Variants in PKNOX2 observed in about 807,000 individuals in gnomAD.
The protein encoded by PKNOX2 is PBX/knotted 1 homeobox 2.
A neutral mutation model predicts 53.1 loss-of-function variants in PKNOX2; 14 were observed. The observed-to-expected ratio is 0.26, with a 90% CI of 0.17 to 0.41. The LOEUF (loss-of-function observed/expected upper bound fraction) is 0.41. Among genes scored for constraint, PKNOX2 ranks in the 10% least tolerant of loss-of-function variants. PKNOX2 has a pLI of 1.00. For synonymous variants in PKNOX2, 257 were observed against 242.8 expected, an observed-to-expected ratio of 1.06 and a Z score of -0.54; for missense variants, 496 against 602.8, an observed-to-expected ratio of 0.82 and a Z score of 1.85.
At chr11:125,426,208 T>C (rs1019288409) in intron 10 of PKNOX2, among the ~76,000 whole-genome samples, 7 of 152,230 alleles carry the variant, frequency 4.6e-5, no homozygotes, top group Non-Finnish European at 7.3e-5. Flanking sequence ...CTGGCTTAAA[T>C]ATAAGTCCCA....
At chr11:125,394,532 T>G (rs1336859850) in intron 6 of PKNOX2, among the ~76,000 whole-genome samples, 1 of 152,236 alleles carries the variant, frequency 6.6e-6, no homozygotes, top group Admixed American at 6.5e-5. Flanking sequence ...GCCCAGGGAA[T>G]GTGGGCTCCC....
At chr11:125,286,292 G>T (rs192649094) in intron 2 of PKNOX2, among the ~76,000 whole-genome samples, 1 of 152,330 alleles carries the variant, frequency 6.6e-6, no homozygotes, top group Admixed American at 6.5e-5. Context: ...CTGAAAACTT[G>T]CATGTCAACA....
intron 7 of PKNOX2, among the ~76,000 whole-genome samples, chr11:125,403,376 T>A (rs1408628138): frequency 6.6e-6 from 1 of 152,106 alleles, no homozygotes; most frequent in East Asian, 1.9e-4. Context: ...ACAAATCAAT[T>A]GAGCAGCCAC....
intron 1 of PKNOX2, among the ~76,000 whole-genome samples, chr11:125,186,413 A>C (rs558999453): frequency 6.6e-6 from 1 of 152,298 alleles, no homozygotes; most frequent in African/African-American, 2.4e-5. Flanking sequence ...GAACTTTGAG[A>C]GGCTGAGGTA....
chr11:125,346,614 C>T (rs980903810), intron 3 of PKNOX2, among the ~76,000 whole-genome samples: 1 of 152,186 alleles, frequency 6.6e-6, no homozygotes, highest in Non-Finnish European at 1.5e-5. Flanking sequence ...GAGACCCAGA[C>T]AGAGGATGTG....
At chr11:125,197,358 G>A (rs1008855906) in intron 1 of PKNOX2, among the ~76,000 whole-genome samples, 33 of 152,120 alleles carry the variant, frequency 2.2e-4, no homozygotes, top group Admixed American at 1.8e-3. Context: ...CTTGTGCCCC[G>A]GGACTGCCCA....
At chr11:125,429,126 A>G in intron 11 of PKNOX2, 38 bp downstream of exon 11, 1 of 1,544,788 alleles carries the variant, frequency 6.5e-7, no homozygotes, top group Non-Finnish European at 9.0e-7. Context: ...TCCCAGATCC[A>G]GGGGCCACCT....
At chr11:125,348,506 T>C (rs951265554) in intron 3 of PKNOX2, among the ~76,000 whole-genome samples, 7 of 152,340 alleles carry the variant, frequency 4.6e-5, no homozygotes, top group African/African-American at 1.2e-4. Flanking sequence ...CAGAATATTG[T>C]TCCTGTGTCT....
chr11:125,397,581 C>T (rs1028124007), intron 6 of PKNOX2, among the ~76,000 whole-genome samples: 2 of 152,230 alleles, frequency 1.3e-5, no homozygotes, highest in African/African-American at 4.8e-5. Flanking sequence ...GGCCTCCCAT[C>T]GCTAAGGCCA....
intron 2 of PKNOX2, among the ~76,000 whole-genome samples, chr11:125,275,874 TG>T (rs2055039632): frequency 6.6e-6 from 1 of 151,896 alleles, no homozygotes; most frequent in Non-Finnish European, 1.5e-5. Flanking sequence ...CAGTTGGAGA[TG>T]GGGATGTGAG....
rs1322769679 is a variant in PKNOX2 at position 125,432,904 on chromosome 11, C to G, written c.*1512C>G. 6.6e-6 allele frequency: 1 copy of G among 152,644 alleles called. No homozygotes were observed. The highest frequency in any genetic ancestry group is 1.9e-4 in the East Asian group (1 of 5,200). The allele number at this position is 152,644 out of a possible 1,614,324, so 9.5% of individuals were successfully genotyped here. A position where few individuals can be genotyped will look rare whatever the true frequency, so the allele number is the denominator to read the frequency against. On this transcript the variant is annotated 3_prime_UTR_variant, in exon 13 of 13. Transcript: ENST00000298282. Reference sequence around the variant, plus strand: ...GACCCCTTGGGCCCTCTGGGGCTTCCCCTCCCCCACCTGGTTGGGGTAGAG... The same window carrying G: ...GACCCCTTGGGCCCTCTGGGGCTTCGCCTCCCCCACCTGGTTGGGGTAGAG...
chr11:125,268,488 A>T (rs983224421), intron 2 of PKNOX2, among the ~76,000 whole-genome samples: 3 of 152,226 alleles, frequency 2.0e-5, no homozygotes, highest in Non-Finnish European at 4.4e-5. Flanking sequence ...AGCTGTTCTT[A>T]GTAGGAGAGC....
At chr11:125,214,949 G>A (rs1244330599) in intron 1 of PKNOX2, among the ~76,000 whole-genome samples, 1 of 152,082 alleles carries the variant, frequency 6.6e-6, no homozygotes, top group Admixed American at 6.5e-5. Flanking sequence ...TCCCCCAGGG[G>A]CCTGCGGGGT....
At position 125,431,360 on chromosome 11, in the gene PKNOX2, C is replaced by A; in HGVS notation, c.1387C>A (p.Leu463Met). Reference protein sequence around the residue: ...DELQTTNVSDLGLEHSDSLE With the variant: ...DELQTTNVSDMGLEHSDSLE ...GCTGCAGACGACAAATGTCAGCGAC[C>A]TGGGCTTGGAACACAGTGACTCCCT... The change falls in exon 13 of 13, where the codon CTG (leucine) becomes ATG (methionine). Residue 463 changes from leucine (L) to methionine (M), a missense_variant. Physicochemically the swap from Leu to Met is conservative, Grantham distance 15. This residue lies in a region of PKNOX2 where 139 missense variants were observed against 161.3 expected (regional missense o/e 0.86). Transcript: ENST00000298282. The A allele has an allele frequency of 6.2e-7, 1 of 1,607,190 alleles. No individual in the cohort carries two copies. The highest frequency in any genetic ancestry group is 8.5e-7 in the Non-Finnish European group (1 of 1,176,326).
intron 2 of PKNOX2, among the ~76,000 whole-genome samples, chr11:125,248,885 A>C (rs1943771123): frequency 7.2e-6 from 1 of 139,582 alleles, no homozygotes; most frequent in Non-Finnish European, 1.5e-5. Context: ...GTATATATAT[A>C]ACATATATAA....
chr11:125,258,107 C>T (rs1944553371), intron 2 of PKNOX2, among the ~76,000 whole-genome samples: 1 of 152,170 alleles, frequency 6.6e-6, no homozygotes. Context: ...CTGGCAGAAC[C>T]AGTGCAGCTG....
intron 1 of PKNOX2, among the ~76,000 whole-genome samples, chr11:125,188,476 G>A (rs1351675245): frequency 2.0e-5 from 3 of 152,206 alleles, no homozygotes; most frequent in African/African-American, 4.8e-5. Context: ...GTGAGCCACT[G>A]CAAACTATAG....
chr11:125,181,363 G>A (rs1956148495), intron 1 of PKNOX2, among the ~76,000 whole-genome samples: 3 of 152,240 alleles, frequency 2.0e-5, no homozygotes, highest in Admixed American at 2.0e-4. Context: ...AGGTTACACT[G>A]CAGGCTGGAG....
intron 7 of PKNOX2, among the ~76,000 whole-genome samples, chr11:125,407,657 C>T (rs994088221): frequency 8.6e-5 from 13 of 151,716 alleles, no homozygotes; most frequent in Admixed American, 3.3e-4. Flanking sequence ...TCCCATGACT[C>T]AGGAGGCTCA....
Sources: gnomAD v4.1 joint callset for allele counts (sites outside exome capture counted in the v4.1 genomes callset) on GRCh38, gnomAD v4.1.1 for gene constraint, gnomAD v4.1.1 regional missense constraint, MANE v1.5 for transcripts, NCBI Gene and HGNC (gene_info 2026-07-23, HGNC 2026-07-21) for gene names.